PTPRR: variants seen among roughly 807,000 people sequenced by gnomAD.
The protein encoded by PTPRR is protein tyrosine phosphatase receptor type R.
In PTPRR, 38 loss-of-function variants were observed where a neutral mutation model predicts 77.2. The observed-to-expected ratio is 0.49, with a 90% CI of 0.38 to 0.65. PTPRR has a LOEUF of 0.65. Ranked by LOEUF, PTPRR falls within the 30% of genes least tolerant of loss-of-function variation. The probability of loss-of-function intolerance (pLI) is 0.00; values close to 1 mark genes in which losing one functional copy is unlikely to be tolerated. For missense variants in PTPRR, 744 were observed against 799.2 expected, an observed-to-expected ratio of 0.93 and a Z score of 0.83; for synonymous variants, 299 against 283.1, an observed-to-expected ratio of 1.06 and a Z score of -0.57.
rs558736650 is a variant in PTPRR, at chr12:70,658,270, G to C, written c.1767-1453C>G. The stretch of plus-strand genomic sequence containing the variant: ...ACCACAACATTGATTATTTCAAAAG[G>C]CTCAGTTCAGCATTATTCCAATTTT... On this transcript the variant is annotated intron_variant, in intron 12 of 13. Coordinates refer to ENST00000283228, the MANE Select transcript of PTPRR (RefSeq NM_002849.4). 5.6e-4 allele frequency among the ~76,000 whole-genome samples: 86 copies of C among 152,236 alleles called. 1 individual carries two copies. The Middle Eastern group carries it at 0.01, about 18-fold the overall frequency.
intron 2 of PTPRR, among the ~76,000 whole-genome samples, chr12:70,891,034 C>A (rs907044084): frequency 6.6e-6 from 1 of 152,128 alleles, no homozygotes; most frequent in African/African-American, 2.4e-5. Context: ...AACATTAGGA[C>A]TGGCAATTGG....
chr12:70,846,713 C>A (rs577064350), intron 2 of PTPRR, among the ~76,000 whole-genome samples: 1 of 152,050 alleles, frequency 6.6e-6, no homozygotes, highest in Non-Finnish European at 1.5e-5. Context: ...ACTTATGAAC[C>A]AGAGAGTGAG....
intron 2 of PTPRR, among the ~76,000 whole-genome samples, chr12:70,792,998 T>C (rs1210613774): frequency 6.6e-6 from 1 of 152,164 alleles, no homozygotes; most frequent in South Asian, 2.1e-4. Flanking sequence ...AAAAGTTTAT[T>C]GAGACAATGT....
intron 2 of PTPRR, among the ~76,000 whole-genome samples, chr12:70,864,440 C>T (rs1426837396): frequency 6.6e-6 from 1 of 152,128 alleles, no homozygotes; most frequent in Admixed American, 6.6e-5. Flanking sequence ...TTTTCCAGGG[C>T]CTGTGGGAGG....
chr12:70,769,497 A>G (rs1009188949), intron 2 of PTPRR, among the ~76,000 whole-genome samples: 9 of 152,346 alleles, frequency 5.9e-5, no homozygotes, highest in African/African-American at 1.4e-4. Flanking sequence ...ACCACTGCTC[A>G]ATGAAATAAA....
intron 13 of PTPRR, among the ~76,000 whole-genome samples, chr12:70,656,019 C>T (rs1441805610): frequency 6.6e-6 from 1 of 151,950 alleles, no homozygotes; most frequent in Non-Finnish European, 1.5e-5. Context: ...CTAGACCAAC[C>T]TGGGCAACAT....
intron 4 of PTPRR, among the ~76,000 whole-genome samples, chr12:70,755,716 T>C (rs1457386821): frequency 6.6e-6 from 1 of 151,950 alleles, no homozygotes; most frequent in Non-Finnish European, 1.5e-5. Flanking sequence ...ATATGTATTT[T>C]AAAGATATAT....
intron 10 of PTPRR, among the ~76,000 whole-genome samples, chr12:70,665,458 T>C (rs913000084): frequency 2.3e-5 from 3 of 131,552 alleles, no homozygotes; most frequent in African/African-American, 8.8e-5. Context: ...GTCAGCTTAC[T>C]GCAACCTCCA....
At chr12:70,814,005 T>C (rs1383768924) in intron 2 of PTPRR, among the ~76,000 whole-genome samples, 1 of 152,102 alleles carries the variant, frequency 6.6e-6, no homozygotes, top group Non-Finnish European at 1.5e-5. Context: ...AGCCAGAGTA[T>C]CAAAGCCTTA....
Position 70,672,703 on chromosome 12 carries a change from G to T in PTPRR, c.1498-10098C>A, listed in dbSNP as rs146614534. The T allele has an allele frequency of 8.5e-5, 132 of 1,545,536 alleles. No individual in the cohort carries two copies. The African/African-American group carries it at 1.5e-3, about 18-fold the overall frequency. On this transcript the variant is annotated intron_variant, in intron 10 of 13. Coordinates refer to ENST00000283228, the MANE Select transcript of PTPRR (RefSeq NM_002849.4). ...CAAGACAGAGGAGCGGATAGCGTGGGTCTCCCAGTTTGTCACCTTTTACCC... is the reference window on the plus strand; with the variant it reads ...CAAGACAGAGGAGCGGATAGCGTGGTTCTCCCAGTTTGTCACCTTTTACCC...
intron 2 of PTPRR, among the ~76,000 whole-genome samples, chr12:70,873,369 C>T (rs1892994091): frequency 6.6e-6 from 1 of 152,072 alleles, no homozygotes; most frequent in Non-Finnish European, 1.5e-5. Flanking sequence ...AATGAAGGTG[C>T]CTAGGGATTT....
chr12:70,896,622 C>G (rs915297584), intron 1 of PTPRR, among the ~76,000 whole-genome samples: 4 of 151,590 alleles, frequency 2.6e-5, no homozygotes, highest in African/African-American at 9.7e-5. Flanking sequence ...TTCTAAATAT[C>G]CATGGGCCAA....
At chr12:70,900,651 T>C (rs1196967494) in intron 1 of PTPRR, among the ~76,000 whole-genome samples, 1 of 151,308 alleles carries the variant, frequency 6.6e-6, no homozygotes, top group African/African-American at 2.4e-5. Context: ...ATATCAAAAA[T>C]ACATAAGGAA....
At chr12:70,888,492 G>A (rs1893280314) in intron 2 of PTPRR, among the ~76,000 whole-genome samples, 1 of 151,932 alleles carries the variant, frequency 6.6e-6, no homozygotes, top group East Asian at 1.9e-4. Context: ...TTCTTGTGTT[G>A]CAACTTTTAA....
intron 2 of PTPRR, among the ~76,000 whole-genome samples, chr12:70,825,805 GA>G (rs1892098477): frequency 1.3e-5 from 2 of 152,086 alleles, no homozygotes; most frequent in African/African-American, 4.8e-5. Context: ...TGCCTGGTAT[GA>G]AAAAAGTCTT....
intron 6 of PTPRR, among the ~76,000 whole-genome samples, chr12:70,733,091 T>C (rs1300727546): frequency 1.3e-5 from 2 of 151,850 alleles, no homozygotes; most frequent in African/African-American, 4.8e-5. Context: ...AAGGGGAGAA[T>C]CCTTGAGGGC....
At chr12:70,682,146 C>T (rs909269542) in intron 10 of PTPRR, among the ~76,000 whole-genome samples, 6 of 148,186 alleles carry the variant, frequency 4.0e-5, no homozygotes, top group African/African-American at 1.5e-4. Flanking sequence ...CGGGTTCACG[C>T]CATTCTCCTG....
intron 6 of PTPRR, 101 bp downstream of exon 6, chr12:70,745,717 T>G: frequency 7.4e-7 from 1 of 1,354,486 alleles, no homozygotes; most frequent in South Asian, 1.4e-5. Context: ...GGTGAACAAT[T>G]CTACCCAATT....
chr12:70,869,360 G>C (rs1365541336), intron 2 of PTPRR, among the ~76,000 whole-genome samples: 1 of 152,074 alleles, frequency 6.6e-6, no homozygotes, highest in Non-Finnish European at 1.5e-5. Flanking sequence ...TCACAGTCTT[G>C]CTTTGAGGAG....
Sources: allele counts gnomAD v4.1 joint callset (sites outside exome capture counted in the v4.1 genomes callset), GRCh38; gene constraint gnomAD v4.1.1; transcripts MANE v1.5; gene names NCBI Gene and HGNC (gene_info 2026-07-23, HGNC 2026-07-21).